FARS2: variants seen among roughly 807,000 people sequenced by gnomAD.
The protein encoded by FARS2 is phenylalanine--tRNA ligase, mitochondrial.
FARS2 carries 40 observed loss-of-function variants against 46.4 expected under a neutral mutation model. The observed-to-expected ratio is 0.86, with a 90% CI of 0.67 to 1.12. The LOEUF is 1.12. FARS2 is among the 50% of genes most tolerant of loss of function. The probability of loss-of-function intolerance (pLI) is 0.00; values close to 1 mark genes in which losing one functional copy is unlikely to be tolerated. For missense variants in FARS2, 513 were observed against 567.9 expected (o/e 0.90, Z 0.98); for synonymous variants, 234 against 214.9 (o/e 1.09, Z -0.78).
intron 1 of FARS2, among the ~76,000 whole-genome samples, chr6:5,347,975 A>G (rs996107318): frequency 2.6e-5 from 4 of 152,120 alleles, no homozygotes; most frequent in South Asian, 2.1e-4. Context: ...GCTTTTTTGT[A>G]TCTTCTCTGG....
Position 5,404,719 on chromosome 6 carries a change from G to A in FARS2, c.772+18G>A. 3.9e-6 allele frequency: 6 copies of A among 1,531,296 alleles called. No homozygotes were observed. Among genetic ancestry groups the A allele is most frequent in the Non-Finnish European group, 5.3e-6 (6 of 1,132,726 alleles). The allele number at this position is 1,531,296 out of a possible 1,614,324, so 94.9% of individuals were successfully genotyped here. On this transcript the variant is annotated intron_variant, in intron 3 of 6. Transcript: ENST00000274680. ...TGGAGATGGTAAGTGCTCAAACACA[G>A]GTTGACGATCTCTTATCTGAAATAC... is the stretch of plus-strand genomic sequence containing the variant.
rs764897456 is a variant in FARS2 at position 5,359,029 on chromosome 6, C to CTTTT, written c.-21-9521_-21-9520insTTTT. Among the ~76,000 whole-genome samples the CTTTT allele has an allele frequency of 8.1e-3, 591 of 72,530 alleles. 118 individuals carry two copies. Among genetic ancestry groups the CTTTT allele is most frequent in the Middle Eastern group, 0.054 (4 of 74 alleles). The allele number at this position is 72,530 out of a possible 152,430, so 47.6% of individuals were successfully genotyped here. ...TCGAATTATAGTGATGAAAAGATACCCTTTTTTTTTTTTTTTTTTTTTTTT... is the reference window on the plus strand; with the variant it reads ...TCGAATTATAGTGATGAAAAGATACCTTTTCTTTTTTTTTTTTTTTTTTTTTTTT... On this transcript the variant is annotated intron_variant, in intron 1 of 6. Coordinates refer to ENST00000274680, the MANE Select transcript of FARS2 (RefSeq NM_006567.5).
intron 4 of FARS2, among the ~76,000 whole-genome samples, chr6:5,479,390 G>A (rs1766312976): frequency 6.6e-6 from 1 of 152,310 alleles, no homozygotes; most frequent in East Asian, 1.9e-4. Flanking sequence ...ATTTTAGGAG[G>A]CTGAAGCAGG....
chr6:5,277,556 T>TC (rs1199740992), intron 1 of FARS2, among the ~76,000 whole-genome samples: 1 of 152,222 alleles, frequency 6.6e-6, no homozygotes, highest in Non-Finnish European at 1.5e-5. Context: ...ACCTTCTGAA[T>TC]ACTCGATACA....
chr6:5,762,052 T>A (rs1762505053), intron 6 of FARS2, among the ~76,000 whole-genome samples: 1 of 152,196 alleles, frequency 6.6e-6, no homozygotes, highest in Non-Finnish European at 1.5e-5. Flanking sequence ...TGTTCAGGGT[T>A]CATCTATGTT....
chr6:5,440,607 C>T (rs1447788535), intron 4 of FARS2, among the ~76,000 whole-genome samples: 1 of 152,224 alleles, frequency 6.6e-6, no homozygotes, highest in African/African-American at 2.4e-5. Flanking sequence ...GATTTTTCCA[C>T]ACCCTTACCA....
rs756580731 is a variant in FARS2, at chr6:5,771,350, C to T, written c.1277C>T (p.Ser426Phe). Residue 426 changes from serine (S) to phenylalanine (F), a missense_variant, in exon 7 of 7, where the codon TCC (serine) becomes TTC (phenylalanine). By Grantham distance (155) the Ser-to-Phe change is radical. Transcript: ENST00000274680. ...TACCGCCACATGGAACGGACTCTGT[C>T]CCAGAGAGAGGTCAGGCACATCCAC... ...ITYRHMERTL[S>F]QREVRHIHQA... 31 of 1,614,002 alleles carry T rather than the reference C, an allele frequency of 1.9e-5. No homozygotes were observed.
intron 5 of FARS2, among the ~76,000 whole-genome samples, chr6:5,570,881 G>A (rs1027652653): frequency 6.6e-6 from 1 of 152,158 alleles, no homozygotes; most frequent in Non-Finnish European, 1.5e-5. Flanking sequence ...GTCAGGTTCT[G>A]CACATTTCTT....
rs75515436 is a variant in FARS2 at position 5,331,330 on chromosome 6, C to A, written c.-21-37220C>A. 1.5e-3 allele frequency among the ~76,000 whole-genome samples: 227 copies of A among 152,160 alleles called. 1 individual carries two copies. Among genetic ancestry groups the A allele is most frequent in the African/African-American group, 5.0e-3 (207 of 41,508 alleles). ...GTTTTAAAGTGCTATGTGTTTAGAT[C>A]TTCATAATGAGAGATTAACCGGAGC... is the stretch of plus-strand genomic sequence containing the variant. On this transcript the variant is annotated intron_variant, in intron 1 of 6. Transcript: ENST00000274680.
chr6:5,454,397 A>G (rs1231930345), intron 4 of FARS2, among the ~76,000 whole-genome samples: 3 of 152,068 alleles, frequency 2.0e-5, no homozygotes, highest in African/African-American at 4.8e-5. Flanking sequence ...GCTGGAGTGC[A>G]GTGGCGTGAT....
At chr6:5,305,590 A>G (rs1287666219) in intron 1 of FARS2, among the ~76,000 whole-genome samples, 1 of 152,212 alleles carries the variant, frequency 6.6e-6, no homozygotes, top group Non-Finnish European at 1.5e-5. Context: ...TCCTTGTTTT[A>G]TAGAGGAATC....
intron 4 of FARS2, among the ~76,000 whole-genome samples, chr6:5,480,931 G>A (rs920471184): frequency 6.6e-6 from 1 of 152,222 alleles, no homozygotes; most frequent in Non-Finnish European, 1.5e-5. Flanking sequence ...GTATGAGTGT[G>A]TGTATGTGCA....
At chr6:5,681,883 A>C (rs1779050250) in intron 6 of FARS2, among the ~76,000 whole-genome samples, 1 of 152,154 alleles carries the variant, frequency 6.6e-6, no homozygotes, top group Non-Finnish European at 1.5e-5. Context: ...TTTCATCAAT[A>C]ATTTGTAAAG....
intron 6 of FARS2, among the ~76,000 whole-genome samples, chr6:5,659,877 T>C (rs1777771231): frequency 6.6e-6 from 1 of 152,256 alleles, no homozygotes; most frequent in African/African-American, 2.4e-5. Flanking sequence ...AGGTATTTCA[T>C]GTGTTAGTTA....
chr6:5,454,499 C>T (rs570201823), intron 4 of FARS2, among the ~76,000 whole-genome samples: 2 of 152,080 alleles, frequency 1.3e-5, no homozygotes, highest in African/African-American at 2.4e-5. Flanking sequence ...TGCATGCTAC[C>T]ATGCCCGGCT....
chr6:5,664,801 T>C (rs1778026422), intron 6 of FARS2, among the ~76,000 whole-genome samples: 1 of 152,104 alleles, frequency 6.6e-6, no homozygotes, highest in South Asian at 2.1e-4. Flanking sequence ...GGTCTATCAT[T>C]CAGTAGCTCA....
Position 5,368,945 on chromosome 6 carries a change from C to T in FARS2, c.375C>T (p.Asn125=), listed in dbSNP as rs1173641601. Residue 125 remains asparagine (N), a synonymous_variant, in exon 2 of 7, where the codon AAC becomes AAT. Transcript: ENST00000274680. ...CTCCAGTGGTCACGACCTGGCAGAA[C>T]TTTGACAGCCTGCTCATCCCAGCTG... is the stretch of plus-strand genomic sequence containing the variant. ...NLSPVVTTWQ[N]FDSLLIPADH... 5 of 1,614,050 alleles carry T rather than the reference C, an allele frequency of 3.1e-6. No individual in the cohort carries two copies. The highest frequency in any genetic ancestry group is 4.2e-6 in the Non-Finnish European group (5 of 1,180,038).
chr6:5,293,478 A>G (rs1277125087), intron 1 of FARS2, among the ~76,000 whole-genome samples: 1 of 152,180 alleles, frequency 6.6e-6, no homozygotes, highest in Non-Finnish European at 1.5e-5. Context: ...CTGTATATCT[A>G]CATTATAAAA....
At chr6:5,466,455 A>C (rs1765519940) in intron 4 of FARS2, 1 of 898,332 alleles carries the variant, frequency 1.1e-6, no homozygotes, top group South Asian at 5.1e-5. Context: ...TCAGCTCTAT[A>C]TTCCCAGGCT....
Sources: allele counts gnomAD v4.1 joint callset (sites outside exome capture counted in the v4.1 genomes callset), GRCh38; gene constraint gnomAD v4.1.1; transcripts MANE v1.5; gene names NCBI Gene and HGNC (gene_info 2026-07-23, HGNC 2026-07-21).